ZNF737: variants seen among roughly 807,000 people sequenced by gnomAD.
The protein encoded by ZNF737 is zinc finger protein 102 (Y3).
ZNF737 carries 13 observed loss-of-function variants against 11.7 expected under a neutral mutation model. The ratio of observed to expected loss-of-function variants is 1.11; its 90% CI spans 0.73 to 1.77. The LOEUF (loss-of-function observed/expected upper bound fraction) is 1.77. Among genes scored for constraint, ZNF737 ranks in the 40% most tolerant of loss-of-function variants. ZNF737 has a pLI of 0.00. For synonymous variants in ZNF737, 217 were observed against 216.2 expected (o/e 1.00, Z -0.03); for missense variants, 636 against 638.0 (o/e 1.00, Z 0.03).
At chr19:20,556,760 A>T (rs575137623) in intron 1 of ZNF737, among the ~76,000 whole-genome samples, 6 of 152,220 alleles carry the variant, frequency 3.9e-5, no homozygotes, top group African/African-American at 2.4e-5. Flanking sequence ...CAAGGCAGCA[A>T]TGTCTGAATA....
rs942014027 is a variant in ZNF737 at position 20,540,516 on chromosome 19, C to G, written c.*4076G>C. Among the ~76,000 whole-genome samples, 27 of 152,054 alleles carry G rather than the reference C, an allele frequency of 1.8e-4. No homozygotes were observed. Among genetic ancestry groups the G allele is most frequent in the African/African-American group, 6.5e-4 (27 of 41,416 alleles). On this transcript the variant is annotated 3_prime_UTR_variant, in exon 4 of 4. Transcript: ENST00000427401. ...TGGCTCATGATTCTAATACCAGCAC[C>G]GTGGGAGGCTGAAGCAGGCAGATCA...
At position 20,540,219 on chromosome 19, in the gene ZNF737, G is replaced by C; in HGVS notation, c.*4373C>G. 7 of 937,896 alleles carry C rather than the reference G, an allele frequency of 7.5e-6. No individual in the cohort carries two copies. The highest frequency in any genetic ancestry group is 8.9e-6 in the Non-Finnish European group (7 of 786,924). The allele number at this position is 937,896 out of a possible 1,614,324, so 58.1% of individuals were successfully genotyped here. A position where few individuals can be genotyped will look rare whatever the true frequency, so the allele number is the denominator to read the frequency against. ...AGTCACTTACTTTCAGGCCAGCAGG[G>C]GTGTTTTTCTGTGATGTGTCTCTTT... On this transcript the variant is annotated 3_prime_UTR_variant, in exon 4 of 4. Coordinates refer to ENST00000427401, the MANE Select transcript of ZNF737 (RefSeq NM_001159293.2).
chr19:20,543,062 G>C lies in ZNF737; in HGVS notation c.*1530C>G. 1.0e-6 allele frequency: 1 copy of C among 983,780 alleles called. No homozygotes were observed. Among genetic ancestry groups the C allele is most frequent in the Non-Finnish European group, 1.2e-6 (1 of 828,692 alleles). 60.9% of individuals were successfully genotyped at this position (983,780 alleles called of 1,614,324 possible). A position where few individuals can be genotyped will look rare whatever the true frequency, so the allele number is the denominator to read the frequency against. On this transcript the variant is annotated 3_prime_UTR_variant, in exon 4 of 4. Coordinates refer to ENST00000427401, the MANE Select transcript of ZNF737 (RefSeq NM_001159293.2). ...GATTTAGTGTAATGTCTGAAGTGTCGGGGCCTTAGTTATTCTACTGTAAAC... is the reference window on the plus strand; with the variant it reads ...GATTTAGTGTAATGTCTGAAGTGTCCGGGCCTTAGTTATTCTACTGTAAAC...
chr19:20,538,911 T>C lies in ZNF737; in HGVS notation c.*5681A>G. ...AAATCTTTTGTTAATTCACTCTAAA[T>C]TGAGACTACATTTACAATCTTCAGT... is the stretch of plus-strand genomic sequence containing the variant. On this transcript the variant is annotated 3_prime_UTR_variant, in exon 4 of 4. Coordinates refer to ENST00000427401, the MANE Select transcript of ZNF737 (RefSeq NM_001159293.2). 1 of 985,334 alleles carries C rather than the reference T, an allele frequency of 1.0e-6. No individual in the cohort carries two copies. Among genetic ancestry groups the C allele is most frequent in the Non-Finnish European group, 1.2e-6 (1 of 829,820 alleles). The allele number at this position is 985,334 out of a possible 1,614,324, so 61.0% of individuals were successfully genotyped here.
Position 20,538,280 on chromosome 19 carries a change from C to G in ZNF737, c.*6312G>C, listed in dbSNP as rs1407596101. Among the ~76,000 whole-genome samples, 2 of 152,238 alleles carry G rather than the reference C, an allele frequency of 1.3e-5. No individual in the cohort carries two copies. The highest frequency in any genetic ancestry group is 2.9e-5 in the Non-Finnish European group (2 of 68,036). On this transcript the variant is annotated 3_prime_UTR_variant, in exon 4 of 4. Transcript: ENST00000427401. ...AAATATTTGCCCTGGCATGCTTATACTAATCCAAGCAAGCATTAGGTCATA... is the reference window on the plus strand; with the variant it reads ...AAATATTTGCCCTGGCATGCTTATAGTAATCCAAGCAAGCATTAGGTCATA...
At chr19:20,546,071 G>A in intron 3 of ZNF737, 95 bp from the exon 4 acceptor site, 1 of 1,380,134 alleles carries the variant, frequency 7.2e-7, no homozygotes, top group Non-Finnish European at 9.6e-7. Flanking sequence ...AACTACATAA[G>A]CAAGATGACA....
Position 20,539,159 on chromosome 19 carries a change from G to A in ZNF737, c.*5433C>T, listed in dbSNP as rs533976750. 63 of 553,940 alleles carry A rather than the reference G, an allele frequency of 1.1e-4. 1 individual carries two copies. The highest frequency in any genetic ancestry group is 1.1e-3 in the African/African-American group (54 of 48,682). The allele number at this position is 553,940 out of a possible 1,614,324, so 34.3% of individuals were successfully genotyped here. A position where few individuals can be genotyped will look rare whatever the true frequency, so the allele number is the denominator to read the frequency against. On this transcript the variant is annotated 3_prime_UTR_variant, in exon 4 of 4. Transcript: ENST00000427401. Reference sequence around the variant, plus strand: ...ACAAAAATTATCCGGGCATAATGGCGGGTGCCTGTTATCCCAGCTACTCAG... The same window carrying A: ...ACAAAAATTATCCGGGCATAATGGCAGGTGCCTGTTATCCCAGCTACTCAG...
chr19:20,553,704 C>G lies in ZNF737; in HGVS notation c.130+5G>C, dbSNP rs1253147796. ...TTATGAATTATGTATTAAAGTTTTT[C>G]TCACCAAGGAAGACCAGGTTTCTGT... On this transcript the variant is annotated splice_donor_5th_base_variant and intron_variant, in intron 2 of 3. Transcript: ENST00000427401. 1 of 1,612,376 alleles carries G rather than the reference C, an allele frequency of 6.2e-7. No individual in the cohort carries two copies. Among genetic ancestry groups the G allele is most frequent in the Non-Finnish European group, 8.5e-7 (1 of 1,179,320 alleles).
In ZNF737 at chr19:20,544,049, A is replaced by G. The variant is rs141264761; in HGVS notation, c.*543T>C. The G allele has an allele frequency of 3.5e-4, 278 of 799,044 alleles. 1 individual carries two copies. In the African/African-American group the frequency reaches 5.0e-3, roughly 14 times the overall value. 49.5% of individuals were successfully genotyped at this position (799,044 alleles called of 1,614,324 possible). ...AAGCTGAGGTAGGAGAATGGCTTAA[A>G]CCCAGGAGGCAGAGGTTGCAGTGAG... On this transcript the variant is annotated 3_prime_UTR_variant, in exon 4 of 4. Transcript: ENST00000427401.
intron 1 of ZNF737, among the ~76,000 whole-genome samples, chr19:20,557,982 T>C (rs1968952186): frequency 6.6e-6 from 1 of 152,032 alleles, no homozygotes; most frequent in South Asian, 2.1e-4. Context: ...AGAAATTATA[T>C]GGCCAGGAGT....
At position 20,540,366 on chromosome 19, in the gene ZNF737, T is replaced by G. The variant is rs929428703; in HGVS notation, c.*4226A>C. Among the ~76,000 whole-genome samples the G allele has an allele frequency of 6.6e-6, 1 of 152,104 alleles. No homozygotes were observed. Among genetic ancestry groups the G allele is most frequent in the Non-Finnish European group, 1.5e-5 (1 of 68,036 alleles). ...GATTTCCCACCACAGTCACACATTT[T>G]TTTTACACTCAAGAGGAAAGTATGA... is the stretch of plus-strand genomic sequence containing the variant. On this transcript the variant is annotated 3_prime_UTR_variant, in exon 4 of 4. Coordinates refer to ENST00000427401, the MANE Select transcript of ZNF737 (RefSeq NM_001159293.2).
chr19:20,565,780 A>G lies in ZNF737; in HGVS notation c.-140T>C. 1 of 1,429,476 alleles carries G rather than the reference A, an allele frequency of 7.0e-7. No homozygotes were observed. Among genetic ancestry groups the G allele is most frequent in the South Asian group, 1.1e-5 (1 of 87,002 alleles). The allele number at this position is 1,429,476 out of a possible 1,614,324, so 88.5% of individuals were successfully genotyped here. A position where few individuals can be genotyped will look rare whatever the true frequency, so the allele number is the denominator to read the frequency against. ...AAGACCTGGAGCTCCGGCTGCAGAG[A>G]CAAAGGCCCCGCAAAACCCGGAAGC... On this transcript the variant is annotated 5_prime_UTR_variant, in exon 1 of 4. Coordinates refer to ENST00000427401, the MANE Select transcript of ZNF737 (RefSeq NM_001159293.2).
At chr19:20,534,432 T>G (rs1226677384), downstream of ZNF737, among the ~76,000 whole-genome samples, 1 of 140,820 alleles carries the variant, frequency 7.1e-6, no homozygotes, top group African/African-American at 2.7e-5. Context: ...AGAGTGAAAC[T>G]CTGTCTCAAA....
chr19:20,559,696 GAACT>G (rs1205677574), intron 1 of ZNF737, among the ~76,000 whole-genome samples: 1 of 152,150 alleles, frequency 6.6e-6, no homozygotes, highest in Non-Finnish European at 1.5e-5. Context: ...GTTCCTCACA[GAACT>G]AACAACAGAA....
In ZNF737 at chr19:20,561,027, A is replaced by C. The variant is rs115263062; in HGVS notation, c.3+4611T>G. On this transcript the variant is annotated intron_variant, in intron 1 of 3. Coordinates refer to ENST00000427401, the MANE Select transcript of ZNF737 (RefSeq NM_001159293.2). ...ACGCAAAACCCCCATGCACCAAAAC[A>C]AACTCATGTGTACCCCAAAACAAAA... 6.5e-3 allele frequency among the ~76,000 whole-genome samples: 986 copies of C among 152,288 alleles called. 22 individuals are homozygous for C. Among genetic ancestry groups the C allele is most frequent in the African/African-American group, 0.023 (945 of 41,552 alleles).
At position 20,538,379 on chromosome 19, in the gene ZNF737, G is replaced by A. The variant is rs888289052; in HGVS notation, c.*6213C>T. On this transcript the variant is annotated 3_prime_UTR_variant, in exon 4 of 4. Coordinates refer to ENST00000427401, the MANE Select transcript of ZNF737 (RefSeq NM_001159293.2). ...CCACAAGTTACTTCCTCCTTCCTTT[G>A]TTCTCCTCTGCCTTTGTCTCTTTTA... Among the ~76,000 whole-genome samples, 7 of 151,936 alleles carry A rather than the reference G, an allele frequency of 4.6e-5. No homozygotes were observed. Among genetic ancestry groups the A allele is most frequent in the Non-Finnish European group, 1.0e-4 (7 of 68,022 alleles).
chr19:20,562,609 C>G (rs1384340645), intron 1 of ZNF737, among the ~76,000 whole-genome samples: 1 of 151,890 alleles, frequency 6.6e-6, no homozygotes, highest in Non-Finnish European at 1.5e-5. Flanking sequence ...CTGCCCACCT[C>G]AGCCTCCCAA....
chr19:20,544,808 G>A lies in ZNF737; in HGVS notation c.1395C>T (p.Ser465=), dbSNP rs1968366241. 5.6e-6 allele frequency: 9 copies of A among 1,609,926 alleles called. No individual in the cohort carries two copies. Among genetic ancestry groups the A allele is most frequent in the Non-Finnish European group, 7.6e-6 (9 of 1,178,388 alleles). The change falls in exon 4 of 4, where the codon TCC becomes TCT. Residue 465 remains serine, a synonymous_variant. Coordinates refer to ENST00000427401, the MANE Select transcript of ZNF737 (RefSeq NM_001159293.2). ...TTCTCTTATGTGCAGTAAGGTGTGA[G>A]GACGAGTTGAAGGCTTTGCCACATT... ...CEECGKAFNS[S]SHLTAHKRIH...
At chr19:20,548,987 T>C (rs1357754041) in intron 3 of ZNF737, among the ~76,000 whole-genome samples, 1 of 95,090 alleles carries the variant, frequency 1.1e-5, no homozygotes, top group African/African-American at 5.2e-5. Flanking sequence ...AAAACAATTA[T>C]GTATCTTTTT....
Sources: gnomAD v4.1 joint callset for allele counts (sites outside exome capture counted in the v4.1 genomes callset) on GRCh38, gnomAD v4.1.1 for gene constraint, MANE v1.5 for transcripts, NCBI Gene and HGNC (gene_info 2026-07-23, HGNC 2026-07-21) for gene names.